The following SCUBE1 variants were observed in gnomAD, a reference collection of about 807,000 sequenced individuals.
SCUBE1 encodes signal peptide, CUB and EGF-like domain-containing protein 1.
A neutral mutation model predicts 124.4 loss-of-function variants in SCUBE1; 59 were observed. That is an observed-to-expected ratio of 0.47 (90% confidence interval 0.38 to 0.59). SCUBE1 has a LOEUF of 0.59. Among genes scored for constraint, SCUBE1 ranks in the 20% least tolerant of loss-of-function variants. The pLI is 0.00. For synonymous variants in SCUBE1, 545 were observed against 550.9 expected (o/e 0.99, Z 0.15); for missense variants, 1,150 against 1,371.2 (o/e 0.84, Z 2.55).
At chr22:43,241,344 T>C (rs551816753) in intron 6 of SCUBE1, among the ~76,000 whole-genome samples, 2 of 152,216 alleles carry the variant, frequency 1.3e-5, no homozygotes, top group Admixed American at 6.5e-5. Flanking sequence ...CCCACTCTCA[T>C]GCTCCCAGCC....
chr22:43,296,662 C>A (rs573838656), intron 3 of SCUBE1, among the ~76,000 whole-genome samples: 1 of 152,202 alleles, frequency 6.6e-6, no homozygotes, highest in Non-Finnish European at 1.5e-5. Context: ...CTGTCTGGAC[C>A]GGCGTGGTTG....
chr22:43,200,280 C>G lies in SCUBE1; in HGVS notation c.*3717G>C, dbSNP rs755794470. The G allele has an allele frequency of 1.3e-5, 2 of 152,304 alleles. No homozygotes were observed. Among genetic ancestry groups the G allele is most frequent in the East Asian group, 3.9e-4 (2 of 5,194 alleles). The allele number at this position is 152,304 out of a possible 1,614,324, so 9.4% of individuals were successfully genotyped here. ...CCTCTCCCTGGAGCACAGCGTGCGG[C>G]GCTGGGGACCTCATCAGCTGCTCAG... is the stretch of plus-strand genomic sequence containing the variant. On this transcript the variant is annotated 3_prime_UTR_variant, in exon 22 of 22. Coordinates refer to ENST00000360835, the MANE Select transcript of SCUBE1 (RefSeq NM_173050.5).
At chr22:43,313,346 C>T (rs1926235211) in intron 3 of SCUBE1, among the ~76,000 whole-genome samples, 1 of 152,154 alleles carries the variant, frequency 6.6e-6, no homozygotes, top group Admixed American at 6.5e-5. Flanking sequence ...CTGTGAGCAA[C>T]TTGAGAGACG....
At chr22:43,223,064 A>G (rs777638674) in intron 11 of SCUBE1, 33 bp downstream of exon 11, 9 of 1,504,730 alleles carry the variant, frequency 6.0e-6, no homozygotes, top group Non-Finnish European at 8.0e-6. Flanking sequence ...CCCCCCTGCC[A>G]CAGCATCCCA....
At chr22:43,299,273 C>T (rs913355198) in intron 3 of SCUBE1, among the ~76,000 whole-genome samples, 4 of 152,138 alleles carry the variant, frequency 2.6e-5, no homozygotes, top group African/African-American at 9.7e-5. Flanking sequence ...AGGTGCAGCA[C>T]GAAGCCGCTG....
intron 10 of SCUBE1, among the ~76,000 whole-genome samples, chr22:43,224,094 C>G (rs575404547): frequency 2.6e-5 from 4 of 152,240 alleles, no homozygotes; most frequent in Non-Finnish European, 4.4e-5. Context: ...AGATACTGAG[C>G]GGTGGCTGAT....
At chr22:43,222,568 C>G (rs1380197554) in intron 12 of SCUBE1, 70 bp downstream of exon 12, 1 of 1,243,076 alleles carries the variant, frequency 8.0e-7, no homozygotes, top group Non-Finnish European at 1.1e-6. Flanking sequence ...CTTTCCTCCC[C>G]CGCCAGCATG....
chr22:43,314,660 T>C (rs1361916583), intron 3 of SCUBE1, among the ~76,000 whole-genome samples: 1 of 152,158 alleles, frequency 6.6e-6, no homozygotes, highest in Non-Finnish European at 1.5e-5. Flanking sequence ...AAAAGGTGGC[T>C]GCTTTCAGGG....
chr22:43,258,862 G>A lies in SCUBE1; in HGVS notation c.611-527C>T, dbSNP rs1601835953. The stretch of plus-strand genomic sequence containing the variant: ...GGAGGTCCCCCCTCAGAGTCCCAGG[G>A]GCCACCTCAAACTCTATCCCCTCAA... On this transcript the variant is annotated intron_variant, in intron 5 of 21. Transcript: ENST00000360835. The surrounding 1 kb of genome is among the most constrained non-coding windows in gnomAD (Gnocchi z 5.0). Among the ~76,000 whole-genome samples, 1 of 152,226 alleles carries A rather than the reference G, an allele frequency of 6.6e-6. No individual in the cohort carries two copies. The highest frequency in any genetic ancestry group is 2.4e-5 in the African/African-American group (1 of 41,538).
intron 4 of SCUBE1, chr22:43,283,681 G>A (rs1273063033): frequency 6.6e-6 from 1 of 152,238 alleles, no homozygotes; most frequent in Admixed American, 6.5e-5. Context: ...CTGTACCAAC[G>A]TCCAGCTACC....
chr22:43,258,910 G>A lies in SCUBE1; in HGVS notation c.611-575C>T, dbSNP rs867670559. On this transcript the variant is annotated intron_variant, in intron 5 of 21. Coordinates refer to ENST00000360835, the MANE Select transcript of SCUBE1 (RefSeq NM_173050.5). The surrounding 1 kb of genome is among the most constrained non-coding windows in gnomAD (Gnocchi z 5.0). ...CAAAGCCCTAATCCTCCGGGAGCTC[G>A]GCAATGTCCGAACAGACAGACTCAT... Among the ~76,000 whole-genome samples, 6 of 152,138 alleles carry A rather than the reference G, an allele frequency of 3.9e-5. No homozygotes were observed. Among genetic ancestry groups the A allele is most frequent in the African/African-American group, 7.2e-5 (3 of 41,426 alleles).
Position 43,201,380 on chromosome 22 carries a change from T to C in SCUBE1, c.*2617A>G, listed in dbSNP as rs1921008004. On this transcript the variant is annotated 3_prime_UTR_variant, in exon 22 of 22. Transcript: ENST00000360835. ...AAACAAAAAAAACAAAACAAAAACA[T>C]TTAAGTGTGATGGTTGATTGCATGG... The C allele has an allele frequency of 7.3e-6, 1 of 136,896 alleles. No homozygotes were observed. Among genetic ancestry groups the C allele is most frequent in the African/African-American group, 2.8e-5 (1 of 36,046 alleles). 8.5% of individuals were successfully genotyped at this position (136,896 alleles called of 1,614,324 possible). A position where few individuals can be genotyped will look rare whatever the true frequency, so the allele number is the denominator to read the frequency against.
At chr22:43,280,699 CCACCTTCCTCCTCGGCCACCCTCCTGT>C (rs1410037911) in intron 4 of SCUBE1, among the ~76,000 whole-genome samples, 11,256 of 90,566 alleles carry the variant, frequency 0.12, 931 homozygotes, top group East Asian at 0.36. Flanking sequence ...CACATCCCCA[CCACCTTCCTCCTCGGCCACCCTCCTGT>C]CACCTTCCTC....
chr22:43,204,196 G>C, intron 21 of SCUBE1, 47 bp from the exon 22 acceptor site: 1 of 1,581,784 alleles, frequency 6.3e-7, no homozygotes, highest in Non-Finnish European at 8.7e-7. Flanking sequence ...GGGGCCTGTA[G>C]GGTCTGTGGG....
In SCUBE1 at chr22:43,258,060, G is replaced by A. The variant is rs868355917; in HGVS notation, c.727+159C>T. 7.9e-5 allele frequency among the ~76,000 whole-genome samples: 12 copies of A among 151,748 alleles called. No individual in the cohort carries two copies. The highest frequency in any genetic ancestry group is 2.1e-4 in the South Asian group (1 of 4,834). On this transcript the variant is annotated intron_variant, in intron 6 of 21. Coordinates refer to ENST00000360835, the MANE Select transcript of SCUBE1 (RefSeq NM_173050.5). The surrounding 1 kb of genome is among the most constrained non-coding windows in gnomAD (Gnocchi z 5.0). ...CCCAGAAAGCCTCCCCAGGGGCGCC[G>A]GCCATCCCCGCCATTGCCATGGGCT...
intron 2 of SCUBE1, among the ~76,000 whole-genome samples, chr22:43,321,354 G>C (rs934789059): frequency 3.3e-5 from 5 of 152,166 alleles, no homozygotes; most frequent in Admixed American, 2.6e-4. Flanking sequence ...TGCTGGTCTG[G>C]AGAGCAGAGC....
At chr22:43,339,665 C>CCACTCTCCT (rs1927212085) in intron 1 of SCUBE1, among the ~76,000 whole-genome samples, 1 of 134,056 alleles carries the variant, frequency 7.5e-6, no homozygotes, top group African/African-American at 3.0e-5. Context: ...CAGCCCTCCC[C>CCACTCTCCT]CATTCTCCTC....
chr22:43,336,670 G>C (rs937946127), intron 2 of SCUBE1, among the ~76,000 whole-genome samples: 1 of 152,172 alleles, frequency 6.6e-6, no homozygotes, highest in African/African-American at 2.4e-5. Flanking sequence ...TTATGACCTA[G>C]AGTCAGAAGT....
At chr22:43,328,054 C>G (rs1168356399) in intron 2 of SCUBE1, among the ~76,000 whole-genome samples, 1 of 152,208 alleles carries the variant, frequency 6.6e-6, no homozygotes, top group East Asian at 1.9e-4. Context: ...GAACTGACCT[C>G]AAATGCCACC....
Sources: gnomAD v4.1 joint callset for allele counts (sites outside exome capture counted in the v4.1 genomes callset) on GRCh38, gnomAD v4.1.1 for gene constraint, Gnocchi (gnomAD v3.1) non-coding constraint, MANE v1.5 for transcripts, NCBI Gene and HGNC (gene_info 2026-07-23, HGNC 2026-07-21) for gene names.